Variants in POU1F1 observed in about 807,000 individuals in gnomAD.
POU1F1 encodes the protein pituitary-specific positive transcription factor 1.
In POU1F1, 23 loss-of-function variants were observed where a neutral mutation model predicts 32.3. The observed-to-expected ratio is 0.71, with a 90% CI of 0.51 to 1.01. The LOEUF (loss-of-function observed/expected upper bound fraction) is 1.01. Among genes scored for constraint, POU1F1 ranks in the 50% least tolerant of loss-of-function variants. The pLI is 0.00. For synonymous variants in POU1F1, 120 were observed against 115.6 expected, an observed-to-expected ratio of 1.04 and a Z score of -0.25; for missense variants, 323 against 341.6, an observed-to-expected ratio of 0.95 and a Z score of 0.43.
chr3:87,269,944 C>T (rs114061281), intron 2 of POU1F1, among the ~76,000 whole-genome samples: 1,711 of 152,214 alleles, frequency 0.011, 26 homozygotes, highest in African/African-American at 0.039. Flanking sequence ...GGGTGAACCC[C>T]CATTGAGCTT....
intron 2 of POU1F1, 113 bp from the exon 3 acceptor site, chr3:87,264,625 G>A (rs757881654): frequency 2.5e-6 from 2 of 803,102 alleles, no homozygotes; most frequent in Non-Finnish European, 4.2e-6. Context: ...GCCTGTCTCA[G>A]TACTTACAAG....
chr3:87,263,723 T>C (rs1397821947), intron 3 of POU1F1, among the ~76,000 whole-genome samples: 1 of 152,018 alleles, frequency 6.6e-6, no homozygotes, highest in Non-Finnish European at 1.5e-5. Flanking sequence ...CTAAATTTCA[T>C]CAGTAGAGGA....
At chr3:87,267,882 T>C (rs535647573) in intron 2 of POU1F1, among the ~76,000 whole-genome samples, 11 of 152,152 alleles carry the variant, frequency 7.2e-5, no homozygotes, top group South Asian at 6.2e-4. Context: ...GCTAGAATTA[T>C]AGGTATAAGC....
rs1706466881 is a variant in POU1F1 at position 87,259,628 on chromosome 3, G to A, written c.*266C>T. ...CTGCGTGTGTGTGAGAAAGAGAGCG[G>A]GAGAGACAGAGAGATCATTTTATTA... On this transcript the variant is annotated 3_prime_UTR_variant, in exon 6 of 6. Transcript: ENST00000350375. 1 of 422,392 alleles carries A rather than the reference G, an allele frequency of 2.4e-6. No homozygotes were observed. Among genetic ancestry groups the A allele is most frequent in the African/African-American group, 2.0e-5 (1 of 49,366 alleles). The allele number at this position is 422,392 out of a possible 1,614,324, so 26.2% of individuals were successfully genotyped here.
chr3:87,271,814 A>G (rs934257175), intron 2 of POU1F1, among the ~76,000 whole-genome samples: 1 of 152,204 alleles, frequency 6.6e-6, no homozygotes, highest in Non-Finnish European at 1.5e-5. Context: ...TTTTAAAAAA[A>G]GACGTCAGGA....
Position 87,268,998 on chromosome 3 carries a change from C to T in POU1F1, c.214+4349G>A, listed in dbSNP as rs181982177. 3.3e-3 allele frequency among the ~76,000 whole-genome samples: 498 copies of T among 152,152 alleles called. 14 individuals carry two copies. Among genetic ancestry groups the T allele is most frequent in the Admixed American group, 0.029 (444 of 15,262 alleles). ...GTGGTTAGCTGACAACATCATCTCA[C>T]GTTACTGGCTTGATGCCTTAAAAAA... On this transcript the variant is annotated intron_variant, in intron 2 of 5. Transcript: ENST00000350375.
intron 1 of POU1F1, among the ~76,000 whole-genome samples, chr3:87,274,820 A>G (rs895022840): frequency 1.1e-4 from 17 of 151,792 alleles, no homozygotes; most frequent in African/African-American, 3.4e-4. Flanking sequence ...TTTATTAATT[A>G]TAATTCTTTT....
chr3:87,273,477 C>CA, intron 1 of POU1F1, 59 bp from the exon 2 acceptor site: 2 of 1,606,852 alleles, frequency 1.2e-6, no homozygotes, highest in Non-Finnish European at 1.7e-6. Context: ...GAGTTTGGAT[C>CA]AAAGACAAAA....
intron 5 of POU1F1, 105 bp from the exon 6 acceptor site, chr3:87,260,209 G>A (rs1706483865): frequency 1.1e-6 from 1 of 879,638 alleles, no homozygotes; most frequent in Non-Finnish European, 1.8e-6. Flanking sequence ...AACATGAAAA[G>A]GAAACTTAAA....
intron 2 of POU1F1, among the ~76,000 whole-genome samples, chr3:87,269,589 CA>C (rs35318647): frequency 1.4e-4 from 22 of 151,948 alleles, no homozygotes; most frequent in African/African-American, 5.3e-4. Flanking sequence ...AGATGGGTTC[CA>C]AAAATAGACT....
intron 2 of POU1F1, among the ~76,000 whole-genome samples, chr3:87,272,781 C>A (rs1392702718): frequency 1.3e-5 from 2 of 152,092 alleles, no homozygotes; most frequent in East Asian, 3.8e-4. Flanking sequence ...AAGCCCCTAC[C>A]AATCACTCTT....
At position 87,273,435 on chromosome 3, in the gene POU1F1, T is replaced by C. The variant is rs1241567172; in HGVS notation, c.143-17A>G. On this transcript the variant is annotated splice_polypyrimidine_tract_variant and intron_variant, in intron 1 of 5. Coordinates refer to ENST00000350375, the MANE Select transcript of POU1F1 (RefSeq NM_000306.4). ...GTCCTGTTGCTGTGTTTCCCAACGT[T>C]GTCACCGAGAAATGTGTGCACAAAC... is the stretch of plus-strand genomic sequence containing the variant. The C allele has an allele frequency of 1.2e-6, 2 of 1,612,118 alleles. No individual in the cohort carries two copies. The highest frequency in any genetic ancestry group is 1.7e-4 in the Middle Eastern group (1 of 6,056).
At chr3:87,274,081 G>C (rs1015210913) in intron 1 of POU1F1, among the ~76,000 whole-genome samples, 1 of 152,058 alleles carries the variant, frequency 6.6e-6, no homozygotes, top group East Asian at 1.9e-4. Context: ...GAGGTTGTTA[G>C]TTGTCTGCAT....
At chr3:87,264,579 A>C in intron 2 of POU1F1, 67 bp from the exon 3 acceptor site, 1 of 1,336,982 alleles carries the variant, frequency 7.5e-7, no homozygotes, top group South Asian at 1.2e-5. Flanking sequence ...TATATAAGAA[A>C]GGGTTTTGCC....
At chr3:87,270,325 A>C (rs1035461523) in intron 2 of POU1F1, among the ~76,000 whole-genome samples, 1 of 152,156 alleles carries the variant, frequency 6.6e-6, no homozygotes, top group Non-Finnish European at 1.5e-5. Flanking sequence ...TAATCACTTG[A>C]ACAATGTTAG....
intron 2 of POU1F1, among the ~76,000 whole-genome samples, chr3:87,266,835 CAT>C (rs1053572749): frequency 2.0e-5 from 3 of 151,942 alleles, no homozygotes; most frequent in Non-Finnish European, 4.4e-5. Context: ...TATTTAATCT[CAT>C]ATTTATCTGA....
chr3:87,266,113 C>T (rs1706615142), intron 2 of POU1F1, among the ~76,000 whole-genome samples: 1 of 149,812 alleles, frequency 6.7e-6, no homozygotes, highest in African/African-American at 2.4e-5. Context: ...ATACAGAAAT[C>T]TTACATTAAT....
Position 87,261,257 on chromosome 3 carries a change from T to C in POU1F1, c.665+16A>G. ...TACCAGTTTTGTCCTCTAGTAACTT[T>C]TAATATAAAGAATACCTTATAGTTG... On this transcript the variant is annotated intron_variant, in intron 5 of 5. Transcript: ENST00000350375. 6.5e-7 allele frequency: 1 copy of C among 1,532,466 alleles called. No individual in the cohort carries two copies. The highest frequency in any genetic ancestry group is 8.9e-7 in the Non-Finnish European group (1 of 1,117,532). The allele number at this position is 1,532,466 out of a possible 1,614,324, so 94.9% of individuals were successfully genotyped here.
intron 1 of POU1F1, 89 bp downstream of exon 1, chr3:87,276,232 G>A (rs536037501): frequency 6.7e-7 from 1 of 1,485,062 alleles, no homozygotes; most frequent in African/African-American, 1.4e-5. Flanking sequence ...AATGAAAGAT[G>A]CAAAGAGATT....
Sources: allele counts gnomAD v4.1 joint callset (sites outside exome capture counted in the v4.1 genomes callset), GRCh38; gene constraint gnomAD v4.1.1; transcripts MANE v1.5; gene names NCBI Gene and HGNC (gene_info 2026-07-23, HGNC 2026-07-21).